MCTP1: variants seen among roughly 807,000 people sequenced by gnomAD.
The protein encoded by MCTP1 is multiple C2 and transmembrane domain containing 1, also known as multiple C2 and transmembrane domain-containing protein 1.
Under a neutral mutation model 120.6 loss-of-function variants are expected in MCTP1, and 69 were observed. That is an observed-to-expected ratio of 0.57 (90% CI 0.47 to 0.70). MCTP1 has a LOEUF of 0.70. Ranked by LOEUF, MCTP1 falls within the 30% of genes least tolerant of loss-of-function variation. MCTP1 has a pLI of 0.00. For synonymous variants in MCTP1, 529 were observed against 493.1 expected (o/e 1.07, Z -0.96); for missense variants, 1,203 against 1,248.8 (o/e 0.96, Z 0.55).
At chr5:94,940,529 T>C (rs920158481) in intron 4 of MCTP1, among the ~76,000 whole-genome samples, 18 of 143,638 alleles carry the variant, frequency 1.3e-4, no homozygotes, top group African/African-American at 4.1e-4. Flanking sequence ...TATACACAAG[T>C]GTGTGTGTGT....
chr5:94,953,742 C>T (rs816871), intron 2 of MCTP1, among the ~76,000 whole-genome samples: 1 of 143,630 alleles, frequency 7.0e-6, no homozygotes, highest in East Asian at 2.0e-4. Flanking sequence ...GACTATTGGG[C>T]TAAAATGTGA....
chr5:95,132,176 T>C (rs535295970), intron 1 of MCTP1, among the ~76,000 whole-genome samples: 1 of 152,210 alleles, frequency 6.6e-6, no homozygotes, highest in Admixed American at 6.5e-5. Context: ...AAATCTCTCA[T>C]TACAGTCACC....
intron 1 of MCTP1, among the ~76,000 whole-genome samples, chr5:95,183,079 C>T (rs1170745328): frequency 6.6e-6 from 1 of 150,770 alleles, no homozygotes; most frequent in Non-Finnish European, 1.5e-5. Flanking sequence ...ATCAGGACAG[C>T]GCCAGTATAA....
chr5:94,744,758 G>A (rs535419576), intron 19 of MCTP1, among the ~76,000 whole-genome samples: 43 of 152,050 alleles, frequency 2.8e-4, no homozygotes, highest in Non-Finnish European at 5.7e-4. Flanking sequence ...TGATCCGCCC[G>A]TCTCGGCCTC....
At chr5:95,259,085 C>CA (rs1452790100) in intron 1 of MCTP1, among the ~76,000 whole-genome samples, 1 of 152,094 alleles carries the variant, frequency 6.6e-6, no homozygotes, top group Non-Finnish European at 1.5e-5. Flanking sequence ...TGTCTGAGGC[C>CA]AAGAATAAAT....
chr5:94,964,324 G>A (rs1176460611), intron 2 of MCTP1, among the ~76,000 whole-genome samples: 5 of 152,298 alleles, frequency 3.3e-5, no homozygotes, highest in African/African-American at 1.2e-4. Context: ...TGAGAATGAT[G>A]TGCTGCTGAA....
intron 6 of MCTP1, among the ~76,000 whole-genome samples, chr5:94,925,474 T>C (rs1812827973): frequency 6.6e-6 from 1 of 152,018 alleles, no homozygotes. Flanking sequence ...AGTGGCGCAA[T>C]CTCGGCTCAC....
intron 2 of MCTP1, among the ~76,000 whole-genome samples, chr5:94,982,235 T>C (rs1189955207): frequency 6.6e-6 from 1 of 152,216 alleles, no homozygotes; most frequent in African/African-American, 2.4e-5. Flanking sequence ...TTTTAAGTTA[T>C]ATACAATATA....
At chr5:95,144,931 G>GA (rs1345101208) in intron 1 of MCTP1, among the ~76,000 whole-genome samples, 1 of 151,994 alleles carries the variant, frequency 6.6e-6, no homozygotes, top group African/African-American at 2.4e-5. Flanking sequence ...TACTTCTGTG[G>GA]AAAAAATGAC....
At chr5:95,059,112 T>C (rs1249210745) in intron 1 of MCTP1, among the ~76,000 whole-genome samples, 2 of 152,184 alleles carry the variant, frequency 1.3e-5, no homozygotes, top group African/African-American at 4.8e-5. Context: ...TAATGATATA[T>C]GCACTTGTAG....
intron 7 of MCTP1, among the ~76,000 whole-genome samples, chr5:94,918,875 A>G (rs1810833166): frequency 6.6e-6 from 1 of 152,202 alleles, no homozygotes; most frequent in African/African-American, 2.4e-5. Flanking sequence ...AGGTAAATAA[A>G]CTGAGGCATA....
chr5:94,762,212 TC>T (rs1771524916), intron 19 of MCTP1, among the ~76,000 whole-genome samples: 1 of 152,252 alleles, frequency 6.6e-6, no homozygotes, highest in Non-Finnish European at 1.5e-5. Flanking sequence ...GTTGTTTCAC[TC>T]TTTAATGACT....
intron 1 of MCTP1, among the ~76,000 whole-genome samples, chr5:95,267,925 GC>G (rs1315482430): frequency 6.6e-6 from 1 of 152,136 alleles, no homozygotes; most frequent in African/African-American, 2.4e-5. Context: ...GGTTCCTTCT[GC>G]CCAGAACTGT....
At chr5:95,178,919 T>C (rs1007492413) in intron 1 of MCTP1, among the ~76,000 whole-genome samples, 1 of 151,522 alleles carries the variant, frequency 6.6e-6, no homozygotes. Context: ...CTTAAAGAAA[T>C]CAAAAACATG....
At position 95,023,465 on chromosome 5, in the gene MCTP1, G is replaced by A. The variant is rs146015682; in HGVS notation, c.721-5981C>T. Among the ~76,000 whole-genome samples the A allele has an allele frequency of 2.2e-3, 338 of 152,312 alleles. 1 individual carries two copies. Among genetic ancestry groups the A allele is most frequent in the African/African-American group, 7.4e-3 (307 of 41,568 alleles). ...AACTGACAAGATGTGGGAAACAGTG[G>A]GTGAGTCACACAGAAGTTTGAGCTG... is the stretch of plus-strand genomic sequence containing the variant. On this transcript the variant is annotated intron_variant, in intron 1 of 22. Transcript: ENST00000515393.
At chr5:95,196,599 C>T (rs766251266) in intron 1 of MCTP1, among the ~76,000 whole-genome samples, 1 of 152,174 alleles carries the variant, frequency 6.6e-6, no homozygotes, top group Admixed American at 6.5e-5. Flanking sequence ...TAATCCATAA[C>T]AGTACGAAGA....
chr5:94,766,613 G>A (rs921027668), intron 19 of MCTP1, among the ~76,000 whole-genome samples: 1 of 151,740 alleles, frequency 6.6e-6, no homozygotes, highest in African/African-American at 2.4e-5. Flanking sequence ...CATGGCACAT[G>A]TATGATATGT....
intron 1 of MCTP1, among the ~76,000 whole-genome samples, chr5:95,281,408 G>A (rs948983881): frequency 2.0e-5 from 3 of 152,174 alleles, no homozygotes; most frequent in Non-Finnish European, 4.4e-5. Flanking sequence ...GGTATTTCCA[G>A]GACTGAGAAA....
chr5:94,909,144 C>T, intron 10 of MCTP1, 107 bp downstream of exon 10: 1 of 1,306,654 alleles, frequency 7.7e-7, no homozygotes, highest in Non-Finnish European at 1.1e-6. Context: ...TGGTAAAGTC[C>T]CTTTCTTCAA....
Sources: gnomAD v4.1 joint callset for allele counts (sites outside exome capture counted in the v4.1 genomes callset) on GRCh38, gnomAD v4.1.1 for gene constraint, MANE v1.5 for transcripts, NCBI Gene and HGNC (gene_info 2026-07-23, HGNC 2026-07-21) for gene names.